The following SKIL variants were observed in gnomAD, a reference collection of about 807,000 sequenced individuals.
The protein encoded by SKIL is SKI like proto-oncogene, also known as ski-like protein.
SKIL carries 20 observed loss-of-function variants against 69.6 expected under a neutral mutation model. The observed-to-expected ratio is 0.29, with a 90% CI of 0.20 to 0.42. The LOEUF is 0.42. Ranked by LOEUF, SKIL falls within the 10% of genes least tolerant of loss-of-function variation. The pLI is 1.00. For missense variants in SKIL, 745 were observed against 783.1 expected (o/e 0.95, Z 0.58); for synonymous variants, 310 against 279.9 (o/e 1.11, Z -1.08).
At chr3:170,369,082 A>ATTTTTTTTTTTT (rs55652320) in intron 2 of SKIL, among the ~76,000 whole-genome samples, 1 of 126,776 alleles carries the variant, frequency 7.9e-6, no homozygotes. Context: ...TATCCCTGGC[A>ATTTTTTTTTTTT]TTTTTTTTTT....
chr3:170,384,348 A>G lies in SKIL; in HGVS notation c.1197-185A>G, dbSNP rs563224189. Reference sequence around the variant, plus strand: ...AAAAATCCCTTATAATTTTGTTTGTAATGCCTAAAGTGTTGATTTTTTTCC... The same window carrying G: ...AAAAATCCCTTATAATTTTGTTTGTGATGCCTAAAGTGTTGATTTTTTTCC... On this transcript the variant is annotated intron_variant, in intron 3 of 6. Transcript: ENST00000259119. 1.2e-4 allele frequency among the ~76,000 whole-genome samples: 18 copies of G among 152,258 alleles called. 1 individual carries two copies. Among genetic ancestry groups the G allele is most frequent in the African/African-American group, 4.3e-4 (18 of 41,560 alleles).
intron 4 of SKIL, among the ~76,000 whole-genome samples, chr3:170,389,162 C>A (rs1003492720): frequency 6.6e-6 from 1 of 152,068 alleles, no homozygotes; most frequent in Non-Finnish European, 1.5e-5. Context: ...CGTGAGCCAC[C>A]ACATCCAGCC....
chr3:170,390,911 C>T (rs1737878466), intron 5 of SKIL, 125 bp from the exon 6 acceptor site: 13 of 562,140 alleles, frequency 2.3e-5, no homozygotes, highest in East Asian at 6.0e-5. Flanking sequence ...AAAATAATTA[C>T]CTCTATATAG....
chr3:170,370,745 G>A (rs1161974004), intron 2 of SKIL, among the ~76,000 whole-genome samples: 1 of 152,042 alleles, frequency 6.6e-6, no homozygotes, highest in Non-Finnish European at 1.5e-5. Context: ...CTTACTAAAA[G>A]TTTGGGTAAC....
Position 170,395,760 on chromosome 3 carries a change from G to A in SKIL, c.*3343G>A, listed in dbSNP as rs1018838979. ...TGCCCTTTATGCATTTAATCCACAT[G>A]ATAGGACATTAAAAATTAATATAAA... On this transcript the variant is annotated 3_prime_UTR_variant, in exon 7 of 7. Transcript: ENST00000259119. 3.9e-5 allele frequency: 6 copies of A among 151,990 alleles called. No homozygotes were observed. The highest frequency in any genetic ancestry group is 1.3e-4 in the Admixed American group (2 of 15,256). 9.4% of individuals were successfully genotyped at this position (151,990 alleles called of 1,614,324 possible).
rs763041713 is a variant in SKIL, at chr3:170,395,205, T to G, written c.*2788T>G. ...ACCTACTCTATAAAGGTAATAAATG[T>G]AAAACCTCTTGCTGTTATTGAGGAA... On this transcript the variant is annotated 3_prime_UTR_variant, in exon 7 of 7. Coordinates refer to ENST00000259119, the MANE Select transcript of SKIL (RefSeq NM_005414.5). The G allele has an allele frequency of 1.3e-5, 2 of 152,096 alleles. No homozygotes were observed. Among genetic ancestry groups the G allele is most frequent in the Non-Finnish European group, 2.9e-5 (2 of 67,966 alleles). 9.4% of individuals were successfully genotyped at this position (152,096 alleles called of 1,614,324 possible).
chr3:170,377,337 G>A (rs1052298619), intron 2 of SKIL, among the ~76,000 whole-genome samples: 1 of 148,216 alleles, frequency 6.7e-6, no homozygotes, highest in African/African-American at 2.5e-5. Context: ...CCCCTGTTTC[G>A]GTTGATTCTC....
intron 6 of SKIL, among the ~76,000 whole-genome samples, chr3:170,391,684 A>G (rs1471535530): frequency 6.6e-6 from 1 of 152,210 alleles, no homozygotes; most frequent in Non-Finnish European, 1.5e-5. Flanking sequence ...AGATTTCAAA[A>G]TAGATAATTC....
At chr3:170,388,934 A>G (rs780283471) in intron 4 of SKIL, among the ~76,000 whole-genome samples, 3 of 151,954 alleles carry the variant, frequency 2.0e-5, no homozygotes, top group Non-Finnish European at 2.9e-5. Flanking sequence ...CAGTGGTGCC[A>G]TCTCAGCTCA....
At chr3:170,362,826 A>C (rs1314606197) in intron 2 of SKIL, among the ~76,000 whole-genome samples, 3 of 148,072 alleles carry the variant, frequency 2.0e-5, no homozygotes, top group East Asian at 2.0e-4. Context: ...AAAAAAAAAA[A>C]CACAACCACC....
At chr3:170,389,556 C>A (rs982756967) in intron 4 of SKIL, among the ~76,000 whole-genome samples, 1 of 152,154 alleles carries the variant, frequency 6.6e-6, no homozygotes, top group South Asian at 2.1e-4. Flanking sequence ...CGTCGTGATC[C>A]GCCCTTCTCG....
intron 4 of SKIL, among the ~76,000 whole-genome samples, chr3:170,386,624 C>T (rs772195524): frequency 6.6e-6 from 1 of 151,876 alleles, no homozygotes; most frequent in Admixed American, 6.6e-5. Context: ...TGTGCCACTG[C>T]GCCTGCCTCA....
intron 3 of SKIL, among the ~76,000 whole-genome samples, chr3:170,383,384 A>T (rs1470304267): frequency 2.0e-5 from 3 of 152,236 alleles, no homozygotes; most frequent in African/African-American, 7.2e-5. Context: ...TACAAAGAAA[A>T]TGAAATGTAA....
chr3:170,371,228 C>T (rs1281783101), intron 2 of SKIL, among the ~76,000 whole-genome samples: 1 of 152,166 alleles, frequency 6.6e-6, no homozygotes, highest in Non-Finnish European at 1.5e-5. Flanking sequence ...AGGCCTGGTG[C>T]GGTGGCTAAC....
At chr3:170,385,940 G>A (rs1737605857) in intron 4 of SKIL, among the ~76,000 whole-genome samples, 1 of 151,660 alleles carries the variant, frequency 6.6e-6, no homozygotes, top group Non-Finnish European at 1.5e-5. Context: ...TTACAGGCAT[G>A]CACCACCACA....
Position 170,360,149 on chromosome 3 carries a change from C to A in SKIL, c.-183C>A. 1.9e-6 allele frequency: 1 copy of A among 525,858 alleles called. No individual in the cohort carries two copies. The highest frequency in any genetic ancestry group is 3.3e-6 in the Non-Finnish European group (1 of 301,092). 32.6% of individuals were successfully genotyped at this position (525,858 alleles called of 1,614,324 possible). A position where few individuals can be genotyped will look rare whatever the true frequency, so the allele number is the denominator to read the frequency against. ...TTATAGGATTTGTAGTGAAATTATACCAGATTATAAGGAGAACCAAAACTA... is the reference window on the plus strand; with the variant it reads ...TTATAGGATTTGTAGTGAAATTATAACAGATTATAAGGAGAACCAAAACTA... On this transcript the variant is annotated 5_prime_UTR_variant, in exon 2 of 7. Coordinates refer to ENST00000259119, the MANE Select transcript of SKIL (RefSeq NM_005414.5).
chr3:170,365,387 G>T (rs1736447202), intron 2 of SKIL, among the ~76,000 whole-genome samples: 1 of 152,166 alleles, frequency 6.6e-6, no homozygotes, highest in South Asian at 2.1e-4. Flanking sequence ...ATGCTCTAAA[G>T]GCCAAAACTT....
rs1214228740 is a variant in SKIL, at chr3:170,392,885, A to G, written c.*468A>G. 1.3e-5 allele frequency: 2 copies of G among 152,558 alleles called. No homozygotes were observed. The highest frequency in any genetic ancestry group is 3.8e-4 in the East Asian group (2 of 5,210). The allele number at this position is 152,558 out of a possible 1,614,324, so 9.5% of individuals were successfully genotyped here. On this transcript the variant is annotated 3_prime_UTR_variant, in exon 7 of 7. Transcript: ENST00000259119. ...ATTAACACAATTTTTCTAAGTTGAT[A>G]TGGTGTACTCATTAACATACACCAA... is the stretch of plus-strand genomic sequence containing the variant.
At position 170,395,187 on chromosome 3, in the gene SKIL, C is replaced by G. The variant is rs1387067392; in HGVS notation, c.*2770C>G. 1.3e-5 allele frequency: 2 copies of G among 152,048 alleles called. No individual in the cohort carries two copies. The highest frequency in any genetic ancestry group is 2.4e-5 in the African/African-American group (1 of 41,380). The allele number at this position is 152,048 out of a possible 1,614,324, so 9.4% of individuals were successfully genotyped here. A position where few individuals can be genotyped will look rare whatever the true frequency, so the allele number is the denominator to read the frequency against. On this transcript the variant is annotated 3_prime_UTR_variant, in exon 7 of 7. Coordinates refer to ENST00000259119, the MANE Select transcript of SKIL (RefSeq NM_005414.5). ...ACTTTATGAGAAAAGTGTACCTACT[C>G]TATAAAGGTAATAAATGTAAAACCT...
Sources: allele counts gnomAD v4.1 joint callset (sites outside exome capture counted in the v4.1 genomes callset), GRCh38; gene constraint gnomAD v4.1.1; transcripts MANE v1.5; gene names NCBI Gene and HGNC (gene_info 2026-07-23, HGNC 2026-07-21).